Variants in ZBED4 observed in about 807,000 individuals in gnomAD.
ZBED4 encodes zinc finger BED domain-containing protein 4.
A neutral mutation model predicts 15.5 loss-of-function variants in ZBED4; 4 were observed. The observed-to-expected ratio is 0.26, with a 90% CI of 0.13 to 0.59. ZBED4 has a LOEUF of 0.59. Among genes scored for constraint, ZBED4 ranks in the 20% least tolerant of loss-of-function variants. The pLI, the probability that ZBED4 is intolerant of heterozygous loss-of-function variation, is 0.90. For synonymous variants in ZBED4, 692 were observed against 608.5 expected, an observed-to-expected ratio of 1.14 and a Z score of -2.02; for missense variants, 1,323 against 1,461.8, an observed-to-expected ratio of 0.91 and a Z score of 1.55.
intron 1 of ZBED4, among the ~76,000 whole-genome samples, chr22:49,868,644 CA>C (rs1330884130): frequency 6.6e-6 from 1 of 152,012 alleles, no homozygotes; most frequent in East Asian, 1.9e-4. Context: ...TATAAACCTC[CA>C]AGTAAAAAGA....
intron 1 of ZBED4, among the ~76,000 whole-genome samples, chr22:49,869,425 A>G (rs1186269775): frequency 6.6e-6 from 1 of 152,178 alleles, no homozygotes; most frequent in Non-Finnish European, 1.5e-5. Context: ...TGACTGGAGA[A>G]CACTCTTGCG....
At position 49,883,511 on chromosome 22, in the gene ZBED4, G is replaced by C; in HGVS notation, c.-152G>C. 9.1e-7 allele frequency: 1 copy of C among 1,097,642 alleles called. No homozygotes were observed. The highest frequency in any genetic ancestry group is 1.2e-6 in the Non-Finnish European group (1 of 801,660). 68.0% of individuals were successfully genotyped at this position (1,097,642 alleles called of 1,614,324 possible). A position where few individuals can be genotyped will look rare whatever the true frequency, so the allele number is the denominator to read the frequency against. On this transcript the variant is annotated 5_prime_UTR_variant, in exon 2 of 2. Coordinates refer to ENST00000216268, the MANE Select transcript of ZBED4 (RefSeq NM_014838.3). ...CATGAGTCACAGATTCTTTTTTTCA[G>C]TACTATTTATGATTAGCCATATTTC...
intron 1 of ZBED4, among the ~76,000 whole-genome samples, chr22:49,873,031 A>G (rs978736818): frequency 2.0e-5 from 3 of 152,080 alleles, no homozygotes; most frequent in African/African-American, 4.8e-5. Context: ...GGGTTTTGCC[A>G]TGTTGCCCAG....
At chr22:49,875,792 A>G (rs1050725206) in intron 1 of ZBED4, among the ~76,000 whole-genome samples, 3 of 152,096 alleles carry the variant, frequency 2.0e-5, no homozygotes, top group Admixed American at 6.6e-5. Context: ...ATCCTTTTAT[A>G]TATGTAGGAT....
rs922581459 is a variant in ZBED4 at position 49,885,041 on chromosome 22, A to G, written c.1379A>G (p.Glu460Gly). Reference protein sequence around the residue: ...NKKVMKRLKSEVWHHFSLAPM... With the variant: ...NKKVMKRLKSGVWHHFSLAPM... The stretch of plus-strand genomic sequence containing the variant: ...AAGGTCATGAAAAGACTGAAGTCGG[A>G]GGTCTGGCATCACTTCTCCCTGGCC... Residue 460 changes from glutamate (E) to glycine (G), a missense_variant, in exon 2 of 2, where the codon GAG becomes GGG. Coordinates refer to ENST00000216268, the MANE Select transcript of ZBED4 (RefSeq NM_014838.3). 1 of 1,612,264 alleles carries G rather than the reference A, an allele frequency of 6.2e-7. No homozygotes were observed. The highest frequency in any genetic ancestry group is 1.3e-5 in the African/African-American group (1 of 74,998).
intron 1 of ZBED4, among the ~76,000 whole-genome samples, chr22:49,862,658 G>T (rs2060302394): frequency 7.2e-6 from 1 of 139,092 alleles, no homozygotes; most frequent in South Asian, 2.4e-4. Flanking sequence ...TGTTTTGACT[G>T]AACTGAGTAC....
chr22:49,874,241 C>T (rs184521358), intron 1 of ZBED4, among the ~76,000 whole-genome samples: 5 of 152,282 alleles, frequency 3.3e-5, no homozygotes, highest in South Asian at 2.1e-4. Flanking sequence ...TTCCCGGATG[C>T]GTCTCATAAG....
chr22:49,853,534 C>G (rs1052275807), upstream of ZBED4, among the ~76,000 whole-genome samples: 20 of 152,206 alleles, frequency 1.3e-4, no homozygotes, highest in Non-Finnish European at 2.5e-4. Context: ...GGGACGAAAC[C>G]AAGGCGCCCG....
At chr22:49,871,759 T>TTTA (rs1555923873) in intron 1 of ZBED4, among the ~76,000 whole-genome samples, 201 of 15,140 alleles carry the variant, frequency 0.013, 2 homozygotes, top group Admixed American at 0.041. Context: ...ATTTATTTAT[T>TTTA]TTTTTTTTTT....
In ZBED4 at chr22:49,886,416, C is replaced by T. The variant is rs768644204; in HGVS notation, c.2754C>T (p.Phe918=). ...AINEMSVECN[F]RELISCDQWE... is the part of the protein sequence containing the mutation. ...ACGAGATGTCCGTCGAGTGTAACTT[C>T]CGAGAGCTGATCAGCTGCGACCAGT... Residue 918 remains phenylalanine, a synonymous_variant, in exon 2 of 2, where the codon TTC becomes TTT. Coordinates refer to ENST00000216268, the MANE Select transcript of ZBED4 (RefSeq NM_014838.3). The surrounding 1 kb of genome is among the most constrained non-coding windows in gnomAD (Gnocchi z 7.7). 3 of 1,599,918 alleles carry T rather than the reference C, an allele frequency of 1.9e-6. No homozygotes were observed. The highest frequency in any genetic ancestry group is 2.6e-6 in the Non-Finnish European group (3 of 1,170,582).
At chr22:49,882,843 G>C (rs1601801419) in intron 1 of ZBED4, among the ~76,000 whole-genome samples, 1 of 152,340 alleles carries the variant, frequency 6.6e-6, no homozygotes, top group East Asian at 1.9e-4. Context: ...TCAGATGCAG[G>C]AGCCACTGTG....
chr22:49,853,697 G>A (rs971402383), upstream of ZBED4: 6 of 151,450 alleles, frequency 4.0e-5, no homozygotes, highest in Non-Finnish European at 7.4e-5. Flanking sequence ...CCCAGCGGCC[G>A]GGCCTCCGGC....
At chr22:49,857,692 A>G (rs955614536) in intron 1 of ZBED4, among the ~76,000 whole-genome samples, 2 of 152,106 alleles carry the variant, frequency 1.3e-5, no homozygotes, top group African/African-American at 4.8e-5. Context: ...CCTGGATTCA[A>G]GTGATTCTGC....
chr22:49,869,103 A>C (rs377200075), intron 1 of ZBED4, among the ~76,000 whole-genome samples: 10 of 150,822 alleles, frequency 6.6e-5, no homozygotes, highest in Middle Eastern at 3.4e-3. Flanking sequence ...AGCCTGGGCA[A>C]CAAGAGCAAA....
intron 1 of ZBED4, among the ~76,000 whole-genome samples, chr22:49,856,335 A>G (rs2208023): frequency 0.1 from 15,463 of 152,266 alleles, 1,018 homozygotes; most frequent in South Asian, 0.18. Flanking sequence ...AACCAGAGAA[A>G]AAGGCTCAGT....
Position 49,883,751 on chromosome 22 carries a change from A to G in ZBED4, c.89A>G (p.Asp30Gly), listed in dbSNP as rs766903358. ...IKFKIEEEDD[D>G]GIPPDSLERM... ...TTTAAAATAGAAGAGGAAGATGATG[A>G]TGGAATTCCTCCTGATAGTTTGGAA... is the stretch of plus-strand genomic sequence containing the variant. The change falls in exon 2 of 2, where the codon GAT becomes GGT. Residue 30 changes from aspartate to glycine, a missense_variant. This residue lies in a region of ZBED4 where 380 missense variants were observed against 413.7 expected (regional missense o/e 0.92). Transcript: ENST00000216268. The G allele has an allele frequency of 6.2e-7, 1 of 1,612,548 alleles. No homozygotes were observed. Among genetic ancestry groups the G allele is most frequent in the East Asian group, 2.2e-5 (1 of 44,842 alleles).
intron 1 of ZBED4, among the ~76,000 whole-genome samples, chr22:49,877,888 G>A (rs377160869): frequency 3.9e-5 from 6 of 152,134 alleles, no homozygotes; most frequent in African/African-American, 1.4e-4. Flanking sequence ...ATTCATCCGT[G>A]TTGCGTGTAT....
rs1490134224 is a variant in ZBED4, at chr22:49,889,804, A to G, written c.*2626A>G. 1 of 167,158 alleles carries G rather than the reference A, an allele frequency of 6.0e-6. No individual in the cohort carries two copies. The highest frequency in any genetic ancestry group is 1.9e-4 in the East Asian group (1 of 5,258). 10.4% of individuals were successfully genotyped at this position (167,158 alleles called of 1,614,324 possible). A position where few individuals can be genotyped will look rare whatever the true frequency, so the allele number is the denominator to read the frequency against. The stretch of plus-strand genomic sequence containing the variant: ...GAATGAGGGGACTGTGGGTGCAACT[A>G]GAAAATATGTTGATTCTTAGCCATT... On this transcript the variant is annotated 3_prime_UTR_variant, in exon 2 of 2. Transcript: ENST00000216268.
chr22:49,855,155 C>T (rs1262523321), intron 1 of ZBED4, among the ~76,000 whole-genome samples: 1 of 152,186 alleles, frequency 6.6e-6, no homozygotes, highest in East Asian at 1.9e-4. Flanking sequence ...TTCCCGTAGT[C>T]CTTAAACGGA....
Sources: allele counts gnomAD v4.1 joint callset (sites outside exome capture counted in the v4.1 genomes callset), GRCh38; gene constraint gnomAD v4.1.1; regional missense constraint gnomAD v4.1.1; non-coding constraint Gnocchi (gnomAD v3.1); transcripts MANE v1.5; gene names NCBI Gene and HGNC (gene_info 2026-07-23, HGNC 2026-07-21).